Variants in GTF2I observed in about 807,000 individuals in gnomAD.
The protein encoded by GTF2I is general transcription factor II-I.
In GTF2I, 12 loss-of-function variants were observed where a neutral mutation model predicts 67.6. That is an observed-to-expected ratio of 0.18 (90% CI 0.11 to 0.29). GTF2I has a LOEUF of 0.29. Ranked by LOEUF, GTF2I falls within the 10% of genes least tolerant of loss-of-function variation. GTF2I has a pLI of 1.00. For missense variants in GTF2I, 271 were observed against 580.1 expected (o/e 0.47, Z 5.47); for synonymous variants, 149 against 197.0 (o/e 0.76, Z 2.04).
chr7:74,710,922 TTAAAA>T (rs1791462702), intron 8 of GTF2I, 105 bp from the exon 9 acceptor site: 1 of 571,132 alleles, frequency 1.8e-6, no homozygotes, highest in African/African-American at 2.0e-5. Context: ...AAGTCTTTAC[TTAAAA>T]TAAATATGCA....
chr7:74,674,148 C>T (rs1270610940), intron 1 of GTF2I, among the ~76,000 whole-genome samples: 1 of 148,358 alleles, frequency 6.7e-6, no homozygotes, highest in Non-Finnish European at 1.5e-5. Flanking sequence ...TAGGTCACTG[C>T]AGCGTCGAAC....
intron 1 of GTF2I, among the ~76,000 whole-genome samples, chr7:74,658,569 T>G (rs1157919274): frequency 6.7e-6 from 1 of 149,354 alleles, no homozygotes; most frequent in African/African-American, 2.5e-5. Context: ...CTGGTGTATC[T>G]GGGGCTCCTG....
intron 1 of GTF2I, among the ~76,000 whole-genome samples, chr7:74,677,781 C>A (rs1418818070): frequency 5.1e-3 from 367 of 72,102 alleles, no homozygotes; most frequent in East Asian, 8.8e-3. Flanking sequence ...GATTCTGTCT[C>A]AAAAAAAAAA....
chr7:74,710,931 A>G, intron 8 of GTF2I, 101 bp from the exon 9 acceptor site: 1 of 584,386 alleles, frequency 1.7e-6, no homozygotes, highest in East Asian at 3.4e-5. Flanking sequence ...CTTAAAATAA[A>G]TATGCATTGC....
At chr7:74,658,632 C>T (rs1278437511) in intron 1 of GTF2I, among the ~76,000 whole-genome samples, 1 of 150,810 alleles carries the variant, frequency 6.6e-6, no homozygotes, top group Non-Finnish European at 1.5e-5. Context: ...GGCGGGGCCG[C>T]GCGTTGCCTG....
chr7:74,665,141 C>T (rs1554388044), intron 1 of GTF2I, among the ~76,000 whole-genome samples: 1 of 151,504 alleles, frequency 6.6e-6, no homozygotes, highest in Non-Finnish European at 1.5e-5. Context: ...GGGGTTTCTC[C>T]ATTTTGGTCA....
intron 9 of GTF2I, among the ~76,000 whole-genome samples, chr7:74,712,054 A>G (rs1460945199): frequency 2.7e-5 from 4 of 148,342 alleles, no homozygotes; most frequent in African/African-American, 7.5e-5. Context: ...GGTTGAGGTG[A>G]TTCTTCTGCC....
chr7:74,725,276 A>G (rs116343903), intron 12 of GTF2I, among the ~76,000 whole-genome samples: 1,938 of 152,348 alleles, frequency 0.013, 40 homozygotes, highest in African/African-American at 0.044. Context: ...GGTGAAGTTT[A>G]TAGCTGTTCT....
At chr7:74,729,327 TTGA>T (rs1794225764) in intron 13 of GTF2I, among the ~76,000 whole-genome samples, 2 of 145,472 alleles carry the variant, frequency 1.4e-5, no homozygotes, top group Admixed American at 6.9e-5. Context: ...GCAAATTATG[TTGA>T]TGATTCATAT....
At chr7:74,704,175 AT>A (rs1554400611) in intron 6 of GTF2I, among the ~76,000 whole-genome samples, 1 of 152,056 alleles carries the variant, frequency 6.6e-6, no homozygotes, top group Non-Finnish European at 1.5e-5. Context: ...TAGTGGTAGG[AT>A]TTTTGTGTAA....
intron 1 of GTF2I, among the ~76,000 whole-genome samples, chr7:74,681,108 A>G (rs1014092259): frequency 8.5e-5 from 13 of 152,232 alleles, no homozygotes; most frequent in African/African-American, 2.7e-4. Flanking sequence ...GGTGAAGTCA[A>G]AAAACGTTGA....
At chr7:74,683,423 A>G (rs1158145491) in intron 1 of GTF2I, among the ~76,000 whole-genome samples, 1 of 152,244 alleles carries the variant, frequency 6.6e-6, no homozygotes, top group East Asian at 1.9e-4. Context: ...ACCTTTCAAG[A>G]AAAATTTTTT....
rs1554402445 is a variant in GTF2I at position 74,711,098 on chromosome 7, A to G, written c.752A>G (p.Tyr251Cys). Residue 251 changes from tyrosine (Y) to cysteine (C), a missense_variant, in exon 9 of 35, where the codon TAT (tyrosine) becomes TGT (cysteine). By Grantham distance (194) the Tyr-to-Cys change is radical. This residue lies in a region of GTF2I where 124 missense variants were observed against 147.0 expected (regional missense o/e 0.84). Coordinates refer to ENST00000573035, the MANE Select transcript of GTF2I (RefSeq NM_032999.4). ...TCAGAAGATCCTGATTATTATCAAT[A>G]TAACATTCAAGGTAATTTGAATTAA... is the stretch of plus-strand genomic sequence containing the variant. ...EESEDPDYYQYNIQAGPSETD... is the reference protein window; with the variant it reads ...EESEDPDYYQCNIQAGPSETD... The G allele has an allele frequency of 7.1e-7, 1 of 1,417,696 alleles. No individual in the cohort carries two copies. Among genetic ancestry groups the G allele is most frequent in the Admixed American group, 2.1e-5 (1 of 48,412 alleles). The allele number at this position is 1,417,696 out of a possible 1,614,324, so 87.8% of individuals were successfully genotyped here. A position where few individuals can be genotyped will look rare whatever the true frequency, so the allele number is the denominator to read the frequency against.
At chr7:74,698,748 C>T (rs1319211673) in intron 3 of GTF2I, among the ~76,000 whole-genome samples, 2 of 151,934 alleles carry the variant, frequency 1.3e-5, no homozygotes, top group African/African-American at 4.8e-5. Context: ...AAATGACTTG[C>T]TATTTTGTTA....
At chr7:74,727,602 T>C (rs1160000263) in intron 12 of GTF2I, 4 of 152,216 alleles carry the variant, frequency 2.6e-5, no homozygotes, top group African/African-American at 4.8e-5. Flanking sequence ...TATGATACTG[T>C]CTTTAACACA....
chr7:74,703,844 T>C (rs759452667), intron 6 of GTF2I, among the ~76,000 whole-genome samples: 159 of 152,236 alleles, frequency 1.0e-3, no homozygotes, highest in Non-Finnish European at 1.1e-3. Flanking sequence ...AAGGTAAAGG[T>C]ATAAATTCAT....
At chr7:74,696,883 A>C (rs1346006193) in intron 3 of GTF2I, among the ~76,000 whole-genome samples, 2 of 152,152 alleles carry the variant, frequency 1.3e-5, no homozygotes, top group Non-Finnish European at 2.9e-5. Flanking sequence ...CAATAGGTTT[A>C]TGAGGCAATC....
chr7:74,729,199 AC>A (rs1794203528), intron 13 of GTF2I, among the ~76,000 whole-genome samples: 1 of 84,970 alleles, frequency 1.2e-5, no homozygotes, highest in Non-Finnish European at 2.2e-5. Context: ...TTATTTCAGA[AC>A]TATTTCACCT....
chr7:74,704,929 T>G (rs767869926), intron 6 of GTF2I, among the ~76,000 whole-genome samples: 7 of 150,354 alleles, frequency 4.7e-5, no homozygotes, highest in Non-Finnish European at 7.4e-5. Context: ...ATTCTCCATA[T>G]TCCATCTTAC....
Sources: allele counts gnomAD v4.1 joint callset (sites outside exome capture counted in the v4.1 genomes callset), GRCh38; gene constraint gnomAD v4.1.1; regional missense constraint gnomAD v4.1.1; transcripts MANE v1.5; gene names NCBI Gene and HGNC (gene_info 2026-07-23, HGNC 2026-07-21).